PTPRM: variants seen among roughly 807,000 people sequenced by gnomAD.
PTPRM encodes the protein receptor-type tyrosine-protein phosphatase mu.
A neutral mutation model predicts 186.7 loss-of-function variants in PTPRM; 47 were observed. The observed-to-expected ratio is 0.25, with a 90% CI of 0.20 to 0.32. The LOEUF is 0.32. PTPRM is among the 10% of genes least tolerant of loss of function. The probability of loss-of-function intolerance (pLI) is 1.00; values close to 1 mark genes in which losing one functional copy is unlikely to be tolerated. For synonymous variants in PTPRM, 668 were observed against 674.9 expected (o/e 0.99, Z 0.16); for missense variants, 1,494 against 1,865.0 (o/e 0.80, Z 3.66).
chr18:8,084,019 A>G (rs1461303557), intron 9 of PTPRM, among the ~76,000 whole-genome samples: 1 of 152,190 alleles, frequency 6.6e-6, no homozygotes, highest in Non-Finnish European at 1.5e-5. Context: ...GAATGAGAAC[A>G]CTAAGCTAGC....
At chr18:7,855,689 A>G (rs911304938) in intron 2 of PTPRM, among the ~76,000 whole-genome samples, 2 of 152,238 alleles carry the variant, frequency 1.3e-5, no homozygotes, top group Non-Finnish European at 2.9e-5. Context: ...CTAAGCTCCC[A>G]AAAGACTTAG....
rs370748638 is a variant in PTPRM, at chr18:7,752,257, G to A, written c.74-21892G>A. On this transcript the variant is annotated intron_variant, in intron 1 of 32. Transcript: ENST00000580170. ...GCTATATGTGTGTTTGTGTCTTCGG[G>A]ATCTGATCATCTTTGAGGTATGATT... Among the ~76,000 whole-genome samples the A allele has an allele frequency of 3.3e-5, 5 of 152,066 alleles. No homozygotes were observed. The South Asian group carries it at 1.0e-3, about 32-fold the overall frequency.
chr18:8,200,044 T>A (rs982848739), intron 14 of PTPRM, among the ~76,000 whole-genome samples: 1 of 152,186 alleles, frequency 6.6e-6, no homozygotes, highest in African/African-American at 2.4e-5. Context: ...CAACTGTCCT[T>A]GTGCTAGACG....
At chr18:8,225,800 T>G (rs955943948) in intron 14 of PTPRM, among the ~76,000 whole-genome samples, 10 of 152,192 alleles carry the variant, frequency 6.6e-5, no homozygotes, top group Non-Finnish European at 1.5e-4. Context: ...TTTGAGTATA[T>G]CAAAATTATA....
At position 8,271,838 on chromosome 18, in the gene PTPRM, T is replaced by A. The variant is rs143880613; in HGVS notation, c.2754+18424T>A. The stretch of plus-strand genomic sequence containing the variant: ...TGTTTCTTTATCCCTTTTTCATAAT[T>A]ATATAGTTTATTTATGCCTTCTTTT... On this transcript the variant is annotated intron_variant, in intron 19 of 32. Transcript: ENST00000580170. Among the ~76,000 whole-genome samples the A allele has an allele frequency of 4.8e-3, 726 of 152,306 alleles. 5 individuals are homozygous for A. Among genetic ancestry groups the A allele is most frequent in the African/African-American group, 0.017 (700 of 41,564 alleles).
intron 14 of PTPRM, among the ~76,000 whole-genome samples, chr18:8,224,275 T>C (rs1464970489): frequency 6.6e-6 from 1 of 152,190 alleles, no homozygotes; most frequent in East Asian, 1.9e-4. Context: ...CTCTTTTTAT[T>C]TAAATCTTGT....
intron 31 of PTPRM, among the ~76,000 whole-genome samples, chr18:8,392,392 G>A (rs539687574): frequency 1.7e-4 from 26 of 152,038 alleles, no homozygotes; most frequent in East Asian, 1.2e-3. Context: ...TGGGAGGCCG[G>A]GGCGGGCAGA....
chr18:7,920,425 G>C (rs2050792094), intron 4 of PTPRM, among the ~76,000 whole-genome samples: 1 of 152,028 alleles, frequency 6.6e-6, no homozygotes, highest in Admixed American at 6.6e-5. Flanking sequence ...TTAAAGAGAT[G>C]ACAACTTATC....
intron 14 of PTPRM, among the ~76,000 whole-genome samples, chr18:8,192,107 A>G (rs920604820): frequency 1.3e-4 from 20 of 152,026 alleles, no homozygotes; most frequent in Non-Finnish European, 2.4e-4. Flanking sequence ...CAATATATTA[A>G]TGTAATTAAG....
intron 7 of PTPRM, among the ~76,000 whole-genome samples, chr18:8,016,657 G>A (rs1408449340): frequency 6.6e-6 from 1 of 152,164 alleles, no homozygotes; most frequent in Non-Finnish European, 1.5e-5. Context: ...TTGGTGTAGG[G>A]CAAAGCAGAA....
chr18:7,645,232 A>G (rs2144218576), intron 1 of PTPRM, among the ~76,000 whole-genome samples: 1 of 152,352 alleles, frequency 6.6e-6, no homozygotes, highest in Non-Finnish European at 1.5e-5. Flanking sequence ...TAATTTATAC[A>G]AAAGCTAATT....
At chr18:7,580,536 G>A (rs1053226233) in intron 1 of PTPRM, among the ~76,000 whole-genome samples, 1 of 152,174 alleles carries the variant, frequency 6.6e-6, no homozygotes, top group Non-Finnish European at 1.5e-5. Flanking sequence ...CTTAAATATT[G>A]ATAATATACG....
At chr18:8,084,080 T>C (rs1042804043) in intron 9 of PTPRM, among the ~76,000 whole-genome samples, 2 of 152,274 alleles carry the variant, frequency 1.3e-5, no homozygotes, top group Admixed American at 6.5e-5. Context: ...TCATAGTTGT[T>C]GGATCACTTC....
At chr18:8,166,724 T>C (rs2093329155) in intron 14 of PTPRM, among the ~76,000 whole-genome samples, 2 of 152,188 alleles carry the variant, frequency 1.3e-5, no homozygotes, top group South Asian at 4.1e-4. Flanking sequence ...CTGTAGCACA[T>C]ATTCTGTTGT....
At chr18:7,946,928 C>T (rs1476468603) in intron 5 of PTPRM, 1 of 456,126 alleles carries the variant, frequency 2.2e-6, no homozygotes, top group Non-Finnish European at 4.4e-6. Flanking sequence ...CCTAGCCCAG[C>T]CCCTTCTTTG....
chr18:7,696,541 A>G (rs2039848123), intron 1 of PTPRM, among the ~76,000 whole-genome samples: 1 of 152,198 alleles, frequency 6.6e-6, no homozygotes, highest in Non-Finnish European at 1.5e-5. Flanking sequence ...AATGTACCAT[A>G]TAAGAATTAT....
At chr18:7,735,060 G>A (rs2040739341) in intron 1 of PTPRM, among the ~76,000 whole-genome samples, 1 of 152,182 alleles carries the variant, frequency 6.6e-6, no homozygotes, top group Non-Finnish European at 1.5e-5. Context: ...GTGGGGACCA[G>A]GCATGCCTCA....
At chr18:7,702,829 CT>C (rs1227173252) in intron 1 of PTPRM, among the ~76,000 whole-genome samples, 1 of 152,138 alleles carries the variant, frequency 6.6e-6, no homozygotes. Flanking sequence ...GGTTTTAGGC[CT>C]CACATTTATG....
At chr18:7,596,082 C>T (rs1263909099) in intron 1 of PTPRM, among the ~76,000 whole-genome samples, 1 of 152,166 alleles carries the variant, frequency 6.6e-6, no homozygotes, top group Non-Finnish European at 1.5e-5. Flanking sequence ...TCTGAGGTTT[C>T]AGTTACCCAC....
Sources: gnomAD v4.1 joint callset for allele counts (sites outside exome capture counted in the v4.1 genomes callset) on GRCh38, gnomAD v4.1.1 for gene constraint, MANE v1.5 for transcripts, NCBI Gene and HGNC (gene_info 2026-07-23, HGNC 2026-07-21) for gene names.